DMD: variants seen among roughly 807,000 people sequenced by gnomAD.
DMD encodes the protein mutant dystrophin.
DMD carries 63 observed loss-of-function variants against 330.1 expected under a neutral mutation model. The observed-to-expected ratio is 0.19, with a 90% CI of 0.16 to 0.24. DMD has a LOEUF of 0.24. DMD is among the 10% of genes least tolerant of loss of function. DMD has a pLI of 1.00. For synonymous variants in DMD, 1,223 were observed against 959.8 expected, an observed-to-expected ratio of 1.27 and a Z score of -5.07; for missense variants, 3,344 against 2,684.1, an observed-to-expected ratio of 1.25 and a Z score of -5.43.
intron 60 of DMD, among the ~76,000 whole-genome samples, chrX:31,350,618 TGTGTGTGTGTGTGTGAGAGAGAGAGA>T (rs2058341906): frequency 2.1e-5 from 1 of 47,617 alleles, no homozygotes; most frequent in African/African-American, 8.7e-5. Flanking sequence ...TGTGTGTGTG[TGTGTGTGTGTGTGTGAGAGAGAGAGA>T]GAGAGAGAGA....
At chrX:31,725,577 T>C (rs910807592) in intron 52 of DMD, among the ~76,000 whole-genome samples, 1 of 112,158 alleles carries the variant, frequency 8.9e-6, no homozygotes, top group Non-Finnish European at 1.9e-5. Flanking sequence ...ACCCATGAGA[T>C]AGTTATAAGT....
chrX:31,632,295 T>C (rs2079175218), intron 54 of DMD, among the ~76,000 whole-genome samples: 1 of 112,019 alleles, frequency 8.9e-6, no homozygotes, highest in Non-Finnish European at 1.9e-5. Context: ...CACACCATTC[T>C]ACTATTAGAT....
At chrX:32,257,238 T>A (rs1368152583) in intron 43 of DMD, among the ~76,000 whole-genome samples, 2 of 112,290 alleles carry the variant, frequency 1.8e-5, no homozygotes, top group Non-Finnish European at 3.8e-5. Context: ...ATGGCCATAC[T>A]GTCCAAATTA....
At chrX:31,936,719 A>G (rs1384845308) in intron 45 of DMD, among the ~76,000 whole-genome samples, 2 of 111,084 alleles carry the variant, frequency 1.8e-5, no homozygotes, top group East Asian at 5.6e-4. Flanking sequence ...AATTGTGGCC[A>G]TTTTACCATT....
chrX:31,456,829 C>A (rs1387937925), intron 59 of DMD, among the ~76,000 whole-genome samples: 1 of 82,450 alleles, frequency 1.2e-5, no homozygotes, highest in Non-Finnish European at 2.3e-5. Context: ...ATACTGTGCC[C>A]ACATATATGT....
At chrX:32,638,117 G>A (rs1275034445) in intron 11 of DMD, among the ~76,000 whole-genome samples, 1 of 111,713 alleles carries the variant, frequency 9.0e-6, no homozygotes, top group Non-Finnish European at 1.9e-5. Flanking sequence ...CGAATGTCAC[G>A]TTATCATCTA....
chrX:31,496,728 T>A (rs1179228853), intron 57 of DMD, 60 bp downstream of exon 57: 6 of 1,156,367 alleles, frequency 5.2e-6, no homozygotes, highest in Non-Finnish European at 7.1e-6. Context: ...AATTTTAAAA[T>A]AGTCACTGGA....
chrX:32,492,837 T>G (rs1569564823), intron 19 of DMD, among the ~76,000 whole-genome samples: 1 of 112,170 alleles, frequency 8.9e-6, no homozygotes, highest in Non-Finnish European at 1.9e-5. Flanking sequence ...TACTGAATAT[T>G]TAAATGTTTT....
At chrX:31,180,541 C>T in intron 68 of DMD, 60 bp from the exon 69 acceptor site, 1 of 780,338 alleles carries the variant, frequency 1.3e-6, no homozygotes, top group Non-Finnish European at 2.0e-6. Context: ...CCAAAGAACA[C>T]TCTTTAATAA....
chrX:33,324,751 T>C, intron 1 of DMD, among the ~76,000 whole-genome samples: 1 of 111,714 alleles, frequency 9.0e-6, no homozygotes, highest in Middle Eastern at 4.6e-3. Context: ...TTGTCAATGT[T>C]TTCCCTTAAT....
chrX:31,651,670 C>A (rs1332014728), intron 54 of DMD, among the ~76,000 whole-genome samples: 1 of 111,236 alleles, frequency 9.0e-6, no homozygotes, highest in East Asian at 2.9e-4. Flanking sequence ...GTTGCTCAGG[C>A]TAAAAATTCT....
At chrX:32,845,963 T>G (rs1374299604) in intron 3 of DMD, among the ~76,000 whole-genome samples, 4 of 111,594 alleles carry the variant, frequency 3.6e-5, no homozygotes, top group African/African-American at 1.3e-4. Flanking sequence ...CACTCAAACA[T>G]GAAGCATGCT....
chrX:31,790,337 A>G (rs1035357576), intron 50 of DMD, among the ~76,000 whole-genome samples: 3 of 111,481 alleles, frequency 2.7e-5, no homozygotes, highest in Non-Finnish European at 5.7e-5. Flanking sequence ...CCTATTGACA[A>G]TGGGGGCCTG....
intron 60 of DMD, among the ~76,000 whole-genome samples, chrX:31,361,084 C>A (rs1030204358): frequency 9.1e-6 from 1 of 110,327 alleles, no homozygotes; most frequent in Non-Finnish European, 1.9e-5. Context: ...CATAGTGAGA[C>A]CCTGTCTCTT....
intron 60 of DMD, among the ~76,000 whole-genome samples, chrX:31,367,442 T>C (rs6631303): frequency 0.32 from 34,806 of 109,768 alleles, 4,136 homozygotes; most frequent in East Asian, 0.63. Flanking sequence ...CCGGAGAACC[T>C]AGCATTTTCC....
At chrX:32,794,403 C>G (rs944688157) in intron 7 of DMD, among the ~76,000 whole-genome samples, 23 of 111,151 alleles carry the variant, frequency 2.1e-4, no homozygotes, top group Non-Finnish European at 7.5e-5. Flanking sequence ...TCCTGGCTAA[C>G]ACGGTGAAAC....
chrX:31,840,201 C>T (rs1460572203), intron 48 of DMD, among the ~76,000 whole-genome samples: 1 of 111,456 alleles, frequency 9.0e-6, no homozygotes, highest in Non-Finnish European at 1.9e-5. Flanking sequence ...CACTGAACAC[C>T]AAACTACTTA....
Position 33,275,824 on chromosome X carries a change from G to A in DMD, c.7+63435C>T, listed in dbSNP as rs150578867. On this transcript the variant is annotated intron_variant, in intron 1 of 17. Transcript: ENST00000288447. ...TATTGGCATAATCATTTGCCCATGG[G>A]AAAGCATATGACATGTACTTGCATA... Among the ~76,000 whole-genome samples the A allele has an allele frequency of 5.8e-3, 644 of 111,690 alleles. 3 individuals are homozygous for A. Among genetic ancestry groups the A allele is most frequent in the African/African-American group, 0.02 (628 of 30,814 alleles).
intron 7 of DMD, among the ~76,000 whole-genome samples, chrX:32,801,275 GTGA>G (rs1324418735): frequency 1.8e-5 from 2 of 111,930 alleles, no homozygotes; most frequent in African/African-American, 3.3e-5. Flanking sequence ...CTAATGACCA[GTGA>G]TGATGAACTT....
Sources: gnomAD v4.1 joint callset for allele counts (sites outside exome capture counted in the v4.1 genomes callset) on GRCh38, gnomAD v4.1.1 for gene constraint, MANE v1.5 for transcripts, NCBI Gene and HGNC (gene_info 2026-07-23, HGNC 2026-07-21) for gene names.